UBXN7: variants seen among roughly 807,000 people sequenced by gnomAD.
The protein encoded by UBXN7 is UBX domain protein 7.
A neutral mutation model predicts 58.0 loss-of-function variants in UBXN7; 9 were observed. That is an observed-to-expected ratio of 0.16 (90% CI 0.09 to 0.27). UBXN7 has a LOEUF of 0.27. UBXN7 is among the 10% of genes least tolerant of loss of function. The probability of loss-of-function intolerance (pLI) is 1.00; values close to 1 mark genes in which losing one functional copy is unlikely to be tolerated. For synonymous variants in UBXN7, 208 were observed against 205.0 expected (o/e 1.01, Z -0.12); for missense variants, 328 against 599.6 (o/e 0.55, Z 4.73).
chr3:196,413,197 G>T (rs982990897), intron 1 of UBXN7, among the ~76,000 whole-genome samples: 3 of 152,046 alleles, frequency 2.0e-5, no homozygotes, highest in Non-Finnish European at 4.4e-5. Context: ...AATTAGCCAG[G>T]TGTGGTGGTG....
chr3:196,410,753 C>T (rs557264250), intron 1 of UBXN7, among the ~76,000 whole-genome samples: 1 of 151,364 alleles, frequency 6.6e-6, no homozygotes, highest in Non-Finnish European at 1.5e-5. Flanking sequence ...ACCTGGGAGG[C>T]GGAGGTTGCA....
intron 1 of UBXN7, among the ~76,000 whole-genome samples, chr3:196,409,055 C>T (rs1730247076): frequency 6.6e-6 from 1 of 152,096 alleles, no homozygotes; most frequent in South Asian, 2.1e-4. Context: ...TCACTCTAAC[C>T]CTTATGTCTC....
chr3:196,398,817 G>A (rs1157509611), intron 3 of UBXN7, among the ~76,000 whole-genome samples: 2 of 151,912 alleles, frequency 1.3e-5, no homozygotes, highest in African/African-American at 2.4e-5. Flanking sequence ...TTAATTTTTT[G>A]TAGAGATGGG....
chr3:196,411,678 G>T (rs1730329610), intron 1 of UBXN7, among the ~76,000 whole-genome samples: 1 of 152,150 alleles, frequency 6.6e-6, no homozygotes, highest in African/African-American at 2.4e-5. Context: ...GGACGTGGTG[G>T]CAGGCGCCTG....
chr3:196,430,443 G>A (rs537316542), intron 1 of UBXN7, among the ~76,000 whole-genome samples: 17 of 151,926 alleles, frequency 1.1e-4, no homozygotes, highest in African/African-American at 2.9e-4. Flanking sequence ...GGGATGGAGC[G>A]CAGTGGTATG....
intron 1 of UBXN7, among the ~76,000 whole-genome samples, chr3:196,429,715 A>G (rs1194035455): frequency 6.6e-6 from 1 of 152,236 alleles, no homozygotes; most frequent in Non-Finnish European, 1.5e-5. Flanking sequence ...AGGCAAAAAG[A>G]AATCAATCAT....
At chr3:196,378,131 C>A (rs1370077054) in intron 5 of UBXN7, among the ~76,000 whole-genome samples, 1 of 152,034 alleles carries the variant, frequency 6.6e-6, no homozygotes, top group Admixed American at 6.6e-5. Flanking sequence ...TCTGTTTCTC[C>A]TACTAGATTA....
chr3:196,362,292 A>C lies in UBXN7; in HGVS notation c.1228+2T>G. On this transcript the variant is annotated splice_donor_variant, in intron 9 of 10. Transcript: ENST00000296328. LOFTEE classifies it high-confidence loss of function. ...AGTAAAGTATGTCTAAATGTAACTT[A>C]CCATTTACATCTATCCCCTCCACTA... is the stretch of plus-strand genomic sequence containing the variant. 1 of 1,585,760 alleles carries C rather than the reference A, an allele frequency of 6.3e-7. No individual in the cohort carries two copies. The highest frequency in any genetic ancestry group is 8.6e-7 in the Non-Finnish European group (1 of 1,168,948).
intron 5 of UBXN7, among the ~76,000 whole-genome samples, chr3:196,376,475 G>A (rs1271746045): frequency 6.7e-6 from 1 of 149,912 alleles, no homozygotes; most frequent in Non-Finnish European, 1.5e-5. Context: ...GAACCCAGGA[G>A]GCGGAGGTTG....
intron 5 of UBXN7, among the ~76,000 whole-genome samples, chr3:196,385,869 T>C (rs985434251): frequency 2.0e-5 from 3 of 152,152 alleles, no homozygotes; most frequent in African/African-American, 7.2e-5. Flanking sequence ...CCACCCCATC[T>C]GGGAGGTGTA....
In UBXN7 at chr3:196,354,390, T is replaced by C. The variant is rs1728290285; in HGVS notation, c.*2295A>G. 1 of 152,220 alleles carries C rather than the reference T, an allele frequency of 6.6e-6. No individual in the cohort carries two copies. 9.4% of individuals were successfully genotyped at this position (152,220 alleles called of 1,614,324 possible). On this transcript the variant is annotated 3_prime_UTR_variant, in exon 11 of 11. Coordinates refer to ENST00000296328, the MANE Select transcript of UBXN7 (RefSeq NM_015562.2). ...ACGTTGGCAGTTCTCCCAACTGTTTTATCAAGAGAAGCTAGAAGGTAAAGA... is the reference window on the plus strand; with the variant it reads ...ACGTTGGCAGTTCTCCCAACTGTTTCATCAAGAGAAGCTAGAAGGTAAAGA...
At position 196,362,515 on chromosome 3, in the gene UBXN7, T is replaced by C; in HGVS notation, c.1007A>G (p.Asp336Gly). 1 of 1,614,222 alleles carries C rather than the reference T, an allele frequency of 6.2e-7. No homozygotes were observed. Among genetic ancestry groups the C allele is most frequent in the Non-Finnish European group, 8.5e-7 (1 of 1,180,038 alleles). ...SEEFISVCGS[D>G]EEEEVENLAK... is the part of the protein sequence containing the mutation. ...AAGATTCTCTACCTCTTCTTCTTCA[T>C]CAGAGCCACAAACGGATATGAACTC... Residue 336 changes from aspartate (D) to glycine (G), a missense_variant, in exon 9 of 11, where the codon GAT (aspartate) becomes GGT (glycine). Around this residue, in one of 4 missense-constraint regions of UBXN7, gnomAD observed 126 missense variants for 302.6 expected, o/e 0.42. Transcript: ENST00000296328.
intron 5 of UBXN7, among the ~76,000 whole-genome samples, chr3:196,374,638 T>G (rs1052649607): frequency 6.6e-6 from 1 of 150,770 alleles, no homozygotes; most frequent in Non-Finnish European, 1.5e-5. Flanking sequence ...CCCAGCACTT[T>G]GGGAGGCCGA....
intron 3 of UBXN7, among the ~76,000 whole-genome samples, chr3:196,401,823 G>GAGAAGAGAAGAGAAGAGAAGAGAAGAGA (rs145395839): frequency 1.7e-4 from 21 of 120,330 alleles, no homozygotes; most frequent in African/African-American, 6.5e-4. Context: ...GAAAAGAGAA[G>GAGAAGAGAAGAGAAGAGAAGAGAAGAGA]AGAGAAGAGA....
intron 1 of UBXN7, chr3:196,431,678 T>C: frequency 3.6e-6 from 1 of 281,086 alleles, no homozygotes; most frequent in East Asian, 1.4e-4. Flanking sequence ...GCTTGGGGGT[T>C]CCCCCTCATT....
rs1728214395 is a variant in UBXN7, at chr3:196,351,547, G to C, written c.*5138C>G. On this transcript the variant is annotated 3_prime_UTR_variant, in exon 11 of 11. Coordinates refer to ENST00000296328, the MANE Select transcript of UBXN7 (RefSeq NM_015562.2). ...AACCAGCACACTTTTAATTAGCCTA[G>C]GGATAATACGCAATCACGGGGAGAG... 1 of 152,106 alleles carries C rather than the reference G, an allele frequency of 6.6e-6. No homozygotes were observed. The highest frequency in any genetic ancestry group is 2.4e-5 in the African/African-American group (1 of 41,400). The allele number at this position is 152,106 out of a possible 1,614,324, so 9.4% of individuals were successfully genotyped here. A position where few individuals can be genotyped will look rare whatever the true frequency, so the allele number is the denominator to read the frequency against.
intron 2 of UBXN7, among the ~76,000 whole-genome samples, chr3:196,404,654 T>G (rs1730104271): frequency 6.6e-6 from 1 of 152,198 alleles, no homozygotes; most frequent in Non-Finnish European, 1.5e-5. Flanking sequence ...CTTTATGAAA[T>G]GAAGTAGGAA....
chr3:196,363,921 C>CAA (rs397975657), intron 8 of UBXN7, among the ~76,000 whole-genome samples: 2 of 113,288 alleles, frequency 1.8e-5, no homozygotes, highest in African/African-American at 6.5e-5. Flanking sequence ...GACTCCATCT[C>CAA]AAAAAAAAAA....
At chr3:196,362,072 C>A (rs1395085469) in intron 9 of UBXN7, 149 bp from the exon 10 acceptor site, 2 of 982,730 alleles carry the variant, frequency 2.0e-6, no homozygotes, top group African/African-American at 3.3e-5. Context: ...CAGCTCACTG[C>A]AACCTCCGCC....
Sources: allele counts gnomAD v4.1 joint callset (sites outside exome capture counted in the v4.1 genomes callset), GRCh38; gene constraint gnomAD v4.1.1; regional missense constraint gnomAD v4.1.1; transcripts MANE v1.5; gene names NCBI Gene and HGNC (gene_info 2026-07-23, HGNC 2026-07-21).